The following CDH9 variants were observed in gnomAD, a reference collection of about 807,000 sequenced individuals.
CDH9 encodes the protein cadherin 9, also known as cadherin-9.
Under a neutral mutation model 70.9 loss-of-function variants are expected in CDH9, and 28 were observed. The ratio of observed to expected loss-of-function variants is 0.40; its 90% CI spans 0.29 to 0.54. The LOEUF (loss-of-function observed/expected upper bound fraction) is 0.54, where lower values mean the gene tolerates loss of function less well. Ranked by LOEUF, CDH9 falls within the 20% of genes least tolerant of loss-of-function variation. The pLI, the probability that CDH9 is intolerant of heterozygous loss-of-function variation, is 0.59. For missense variants in CDH9, 874 were observed against 984.4 expected (o/e 0.89, Z 1.50); for synonymous variants, 409 against 343.1 (o/e 1.19, Z -2.12).
intron 7 of CDH9, among the ~76,000 whole-genome samples, chr5:26,891,564 G>T (rs527496517): frequency 6.6e-6 from 1 of 152,230 alleles, no homozygotes; most frequent in South Asian, 2.1e-4. Context: ...TGTAATCCCA[G>T]CTACTCGGGA....
chr5:26,938,194 C>T (rs1040333247), intron 2 of CDH9, among the ~76,000 whole-genome samples: 4 of 133,998 alleles, frequency 3.0e-5, no homozygotes, highest in African/African-American at 1.1e-4. Flanking sequence ...TGCATAGTTA[C>T]AAAAAAAAAA....
intron 1 of CDH9, among the ~76,000 whole-genome samples, chr5:26,991,670 T>C (rs1422239477): frequency 6.6e-6 from 1 of 152,184 alleles, no homozygotes; most frequent in Non-Finnish European, 1.5e-5. Flanking sequence ...AATTCACATA[T>C]GTAGATATTT....
At chr5:27,017,918 G>A (rs902797282) in intron 1 of CDH9, among the ~76,000 whole-genome samples, 1 of 151,298 alleles carries the variant, frequency 6.6e-6, no homozygotes, top group African/African-American at 2.4e-5. Context: ...AGTATACATT[G>A]TTTTTTTATT....
rs924240123 is a variant in CDH9, at chr5:27,011,466, G to A, written c.-49-23084C>T. On this transcript the variant is annotated intron_variant, in intron 1 of 11. Coordinates refer to ENST00000231021, the MANE Select transcript of CDH9 (RefSeq NM_016279.4). ...AGATTGCACAAGAAACCACAACACC[G>A]GAAGCTAGAAAAGACAAAGAAAGAT... Among the ~76,000 whole-genome samples, 15 of 151,920 alleles carry A rather than the reference G, an allele frequency of 9.9e-5. No homozygotes were observed. The South Asian group carries it at 1.5e-3, about 15-fold the overall frequency.
At chr5:26,972,503 A>G (rs1554001327) in intron 2 of CDH9, among the ~76,000 whole-genome samples, 1 of 151,738 alleles carries the variant, frequency 6.6e-6, no homozygotes, top group Non-Finnish European at 1.5e-5. Context: ...GCCCTGTGGA[A>G]CCCCCCCACA....
At chr5:26,940,417 T>A (rs1007588) in intron 2 of CDH9, among the ~76,000 whole-genome samples, 80,579 of 151,882 alleles carry the variant, frequency 0.53, 21,670 homozygotes, top group African/African-American at 0.59. Flanking sequence ...AATTGATTAA[T>A]GGTACACATT....
chr5:26,896,024 T>C (rs1017093205), intron 7 of CDH9, among the ~76,000 whole-genome samples: 1 of 152,006 alleles, frequency 6.6e-6, no homozygotes, highest in African/African-American at 2.4e-5. Context: ...GCCTTGCAAA[T>C]TGGCAGAATT....
chr5:26,885,017 C>G (rs554438675), intron 11 of CDH9, among the ~76,000 whole-genome samples: 1 of 152,094 alleles, frequency 6.6e-6, no homozygotes, highest in Non-Finnish European at 1.5e-5. Context: ...CAATGCACAA[C>G]AAGTTATATA....
intron 1 of CDH9, among the ~76,000 whole-genome samples, chr5:27,002,965 A>G (rs1742797884): frequency 6.6e-6 from 1 of 152,118 alleles, no homozygotes; most frequent in African/African-American, 2.4e-5. Flanking sequence ...AAAAAGACAA[A>G]AAAAAGAAGC....
intron 1 of CDH9, among the ~76,000 whole-genome samples, chr5:27,017,445 G>T (rs1324458492): frequency 1.3e-5 from 2 of 151,722 alleles, no homozygotes; most frequent in African/African-American, 2.4e-5. Flanking sequence ...TTTTTTGGGG[G>T]GGCAAGCTAA....
At chr5:26,921,932 G>C (rs1741250702) in intron 2 of CDH9, among the ~76,000 whole-genome samples, 1 of 151,128 alleles carries the variant, frequency 6.6e-6, no homozygotes, top group Non-Finnish European at 1.5e-5. Context: ...AATGCACACT[G>C]AAGAATGCAT....
intron 3 of CDH9, among the ~76,000 whole-genome samples, chr5:26,909,069 C>T (rs1392585143): frequency 3.3e-5 from 5 of 152,052 alleles, no homozygotes; most frequent in Non-Finnish European, 1.5e-5. Context: ...CTACAACCTC[C>T]GCCTCCCGGG....
chr5:26,984,418 GC>G (rs1272646719), intron 2 of CDH9, among the ~76,000 whole-genome samples: 1 of 152,086 alleles, frequency 6.6e-6, no homozygotes, highest in African/African-American at 2.4e-5. Flanking sequence ...TACTATGTCT[GC>G]TGTGTCTGGG....
chr5:26,905,756 T>A (rs1740934063), intron 5 of CDH9, among the ~76,000 whole-genome samples: 1 of 152,136 alleles, frequency 6.6e-6, no homozygotes, highest in Non-Finnish European at 1.5e-5. Flanking sequence ...TTCCACTACA[T>A]ACTCCAAAAA....
chr5:27,003,630 C>T (rs939763045), intron 1 of CDH9, among the ~76,000 whole-genome samples: 6 of 152,044 alleles, frequency 3.9e-5, no homozygotes, highest in South Asian at 2.1e-4. Context: ...AAACAAAAAA[C>T]GAGGAAATTC....
intron 2 of CDH9, among the ~76,000 whole-genome samples, chr5:26,975,897 C>T (rs531811594): frequency 6.6e-6 from 1 of 152,134 alleles, no homozygotes; most frequent in East Asian, 1.9e-4. Context: ...CTGAGGAGAC[C>T]GAGGTTAGCG....
intron 2 of CDH9, among the ~76,000 whole-genome samples, chr5:26,969,858 T>C (rs898976652): frequency 4.5e-5 from 1 of 22,292 alleles, no homozygotes; most frequent in African/African-American, 1.2e-4. Context: ...CTTTGCTGAT[T>C]TTACTGGCTG....
chr5:26,889,697 C>T, intron 9 of CDH9, 139 bp downstream of exon 9: 1 of 533,580 alleles, frequency 1.9e-6, no homozygotes, highest in South Asian at 3.0e-5. Flanking sequence ...ACTGTGAGTT[C>T]TTTGTTAAGG....
At chr5:26,978,656 T>C (rs941035120) in intron 2 of CDH9, among the ~76,000 whole-genome samples, 3 of 125,588 alleles carry the variant, frequency 2.4e-5, no homozygotes, top group Non-Finnish European at 5.3e-5. Flanking sequence ...CCAGTGAATT[T>C]CAAACAGAAT....
Sources: gnomAD v4.1 joint callset for allele counts (sites outside exome capture counted in the v4.1 genomes callset) on GRCh38, gnomAD v4.1.1 for gene constraint, MANE v1.5 for transcripts, NCBI Gene and HGNC (gene_info 2026-07-23, HGNC 2026-07-21) for gene names.